USH2A: variants seen among roughly 807,000 people sequenced by gnomAD.
The protein encoded by USH2A is Usher syndrome 2A (autosomal recessive, mild).
Under a neutral mutation model 538.9 loss-of-function variants are expected in USH2A, and 443 were observed. That is an observed-to-expected ratio of 0.82 (90% CI 0.76 to 0.89). The LOEUF (loss-of-function observed/expected upper bound fraction) is 0.89, where lower values mean the gene tolerates loss of function less well. USH2A is among the 40% of genes least tolerant of loss of function. USH2A has a pLI of 0.00. For synonymous variants in USH2A, 2,413 were observed against 2,273.5 expected, an observed-to-expected ratio of 1.06 and a Z score of -1.75; for missense variants, 6,633 against 6,324.8, an observed-to-expected ratio of 1.05 and a Z score of -1.65.
chr1:216,309,515 TC>T (rs1174895252), intron 9 of USH2A, among the ~76,000 whole-genome samples: 1 of 152,172 alleles, frequency 6.6e-6, no homozygotes, highest in Non-Finnish European at 1.5e-5. Context: ...ATATCCTTTT[TC>T]TTTCGTTCTC....
At chr1:215,642,396 T>A (rs1031352614) in intron 67 of USH2A, among the ~76,000 whole-genome samples, 1 of 152,154 alleles carries the variant, frequency 6.6e-6, no homozygotes, top group African/African-American at 2.4e-5. Context: ...ATAAGGCCCA[T>A]GCTACTTTGT....
At chr1:216,174,312 T>C in intron 21 of USH2A, 3 of 976,704 alleles carry the variant, frequency 3.1e-6, no homozygotes, top group Non-Finnish European at 2.4e-6. Context: ...ATATATCTTA[T>C]ACTTTGTAAA....
Position 216,199,560 on chromosome 1 carries a change from G to A in USH2A, c.3811+67C>T. ...GAATACAACTGCCAAATTCCTAATT[G>A]CACAATTACAATAGATTCTCATTCA... On this transcript the variant is annotated intron_variant, in intron 17 of 71. Transcript: ENST00000307340. The A allele has an allele frequency of 1.9e-6, 3 of 1,609,808 alleles. No homozygotes were observed. The South Asian group carries it at 3.3e-5, about 18-fold the overall frequency.
chr1:216,379,745 G>T (rs1184738627), intron 3 of USH2A, among the ~76,000 whole-genome samples: 1 of 152,156 alleles, frequency 6.6e-6, no homozygotes, highest in Non-Finnish European at 1.5e-5. Context: ...AAGCTAGAAA[G>T]GTTCTATTTC....
Position 216,097,177 on chromosome 1 carries a change from C to T in USH2A, c.4664G>A (p.Gly1555Asp). 6.2e-7 allele frequency: 1 copy of T among 1,614,164 alleles called. No individual in the cohort carries two copies. Among genetic ancestry groups the T allele is most frequent in the Non-Finnish European group, 8.5e-7 (1 of 1,180,018 alleles). ...KASFRTKVPEGLIVFAASPGN... is the reference protein window; with the variant it reads ...KASFRTKVPEDLIVFAASPGN... ...AGGTGATGCTGCAAAGACAATCAAA[C>T]CTTCAGGCACTTTTGTTCGAAAGCT... Residue 1555 changes from glycine (G) to aspartate (D), a missense_variant, in exon 22 of 72, where the codon GGT becomes GAT. By Grantham distance (94) the Gly-to-Asp change is moderately conservative. Coordinates refer to ENST00000307340, the MANE Select transcript of USH2A (RefSeq NM_206933.4).
Position 215,934,946 on chromosome 1 carries a change from T to A in USH2A, c.7121-151A>T, listed in dbSNP as rs1289166901. Reference sequence around the variant, plus strand: ...GAGGCATTACATGTGCTTCTATCAATGCACATATTTGGATTTTATTATCTT... The same window carrying A: ...GAGGCATTACATGTGCTTCTATCAAAGCACATATTTGGATTTTATTATCTT... On this transcript the variant is annotated intron_variant, in intron 37 of 71. Transcript: ENST00000307340. The A allele has an allele frequency of 8.6e-6, 6 of 699,748 alleles. No individual in the cohort carries two copies. In the South Asian group the frequency reaches 1.4e-4, roughly 17 times the overall value. The allele number at this position is 699,748 out of a possible 1,614,324, so 43.3% of individuals were successfully genotyped here.
intron 21 of USH2A, among the ~76,000 whole-genome samples, chr1:216,120,705 A>G (rs1247114558): frequency 6.6e-6 from 1 of 151,880 alleles, no homozygotes; most frequent in Non-Finnish European, 1.5e-5. Context: ...TACAAAAATT[A>G]GCCGGGCATG....
intron 3 of USH2A, among the ~76,000 whole-genome samples, chr1:216,368,369 T>G (rs1057495392): frequency 6.6e-6 from 1 of 152,136 alleles, no homozygotes; most frequent in African/African-American, 2.4e-5. Context: ...TTTTCCACAA[T>G]CACCTGTGCC....
intron 58 of USH2A, among the ~76,000 whole-genome samples, chr1:215,744,215 G>A (rs756577625): frequency 1.3e-5 from 2 of 152,194 alleles, no homozygotes; most frequent in Non-Finnish European, 2.9e-5. Context: ...AATTCCCAGT[G>A]CATTAATTAT....
At chr1:216,408,564 T>C (rs1558075373) in intron 3 of USH2A, among the ~76,000 whole-genome samples, 1 of 152,246 alleles carries the variant, frequency 6.6e-6, no homozygotes, top group Non-Finnish European at 1.5e-5. Flanking sequence ...CAGAATTTCA[T>C]GGACAGAAGA....
At chr1:216,180,859 G>A (rs2034479793) in intron 20 of USH2A, among the ~76,000 whole-genome samples, 1 of 152,102 alleles carries the variant, frequency 6.6e-6, no homozygotes, top group African/African-American at 2.4e-5. Context: ...GCCAAACACT[G>A]CTAGGCCAGA....
intron 3 of USH2A, among the ~76,000 whole-genome samples, chr1:216,402,747 T>G (rs115532791): frequency 0.034 from 5,247 of 152,214 alleles, 125 homozygotes; most frequent in Middle Eastern, 0.078. Context: ...TAGTTACATT[T>G]TGGGGTGGTC....
chr1:216,418,247 T>C (rs1440969782), intron 3 of USH2A, among the ~76,000 whole-genome samples: 1 of 152,034 alleles, frequency 6.6e-6, no homozygotes. Context: ...AAAACAAAAA[T>C]TTTCTGAGGA....
At chr1:216,011,279 C>T (rs559705418) in intron 32 of USH2A, among the ~76,000 whole-genome samples, 14 of 152,208 alleles carry the variant, frequency 9.2e-5, no homozygotes, top group African/African-American at 3.4e-4. Context: ...TCCTTTGCAC[C>T]CGTCATCCCA....
intron 11 of USH2A, among the ~76,000 whole-genome samples, chr1:216,265,423 G>GA (rs926854223): frequency 6.6e-6 from 1 of 151,828 alleles, no homozygotes; most frequent in African/African-American, 2.4e-5. Flanking sequence ...TACCATTATG[G>GA]AAAAAAGTAT....
chr1:216,046,349 C>A (rs1181592346), intron 32 of USH2A, 82 bp downstream of exon 32: 17 of 1,538,150 alleles, frequency 1.1e-5, no homozygotes, highest in African/African-American at 1.4e-5. Flanking sequence ...TATGGAACCC[C>A]TGGATATCGA....
At chr1:216,295,919 T>A (rs1030601071) in intron 9 of USH2A, among the ~76,000 whole-genome samples, 3 of 152,044 alleles carry the variant, frequency 2.0e-5, no homozygotes, top group African/African-American at 7.2e-5. Flanking sequence ...TTTGACATAT[T>A]TCATAATCAT....
At chr1:215,828,175 C>T (rs910142523) in intron 47 of USH2A, among the ~76,000 whole-genome samples, 1 of 152,126 alleles carries the variant, frequency 6.6e-6, no homozygotes, top group Non-Finnish European at 1.5e-5. Flanking sequence ...ATGCCGGGTG[C>T]TGTGTGGGTC....
At chr1:216,223,206 G>T (rs2035492589) in intron 14 of USH2A, among the ~76,000 whole-genome samples, 1 of 152,072 alleles carries the variant, frequency 6.6e-6, no homozygotes. Flanking sequence ...GGAAGCTACT[G>T]TATCTGGTCT....
Sources: allele counts gnomAD v4.1 joint callset (sites outside exome capture counted in the v4.1 genomes callset), GRCh38; gene constraint gnomAD v4.1.1; transcripts MANE v1.5; gene names NCBI Gene and HGNC (gene_info 2026-07-23, HGNC 2026-07-21).